Variants in KCNMB1 observed in about 807,000 individuals in gnomAD.
KCNMB1 encodes the protein potassium calcium-activated channel subfamily M regulatory beta subunit 1, also known as calcium-activated potassium channel subunit beta-1.
Under a neutral mutation model 21.7 loss-of-function variants are expected in KCNMB1, and 22 were observed. The observed-to-expected ratio is 1.01, with a 90% confidence interval of 0.72 to 1.45. KCNMB1 has a LOEUF of 1.45. Among genes scored for constraint, KCNMB1 ranks in the 40% most tolerant of loss-of-function variants. KCNMB1 has a pLI of 0.00. For missense variants in KCNMB1, 243 were observed against 243.4 expected, an observed-to-expected ratio of 1.00 and a Z score of 0.01; for synonymous variants, 114 against 107.6, an observed-to-expected ratio of 1.06 and a Z score of -0.37.
chr5:170,382,419 T>G (rs1764278809), intron 3 of KCNMB1, among the ~76,000 whole-genome samples: 1 of 152,180 alleles, frequency 6.6e-6, no homozygotes, highest in Non-Finnish European at 1.5e-5. Context: ...AATTCCATAT[T>G]GTGGTGATCA....
At chr5:170,384,059 A>G (rs1331394707) in intron 2 of KCNMB1, among the ~76,000 whole-genome samples, 1 of 152,204 alleles carries the variant, frequency 6.6e-6, no homozygotes, top group Non-Finnish European at 1.5e-5. Flanking sequence ...GGTCTTAGAC[A>G]TTATCTATAT....
chr5:170,378,526 G>C lies in KCNMB1; in HGVS notation c.*178C>G, dbSNP rs940607147. ...GGAGCCACTGTACATTCTTGAGCAGGCAATGACTTCACAAAAGGATTTCTC... is the reference window on the plus strand; with the variant it reads ...GGAGCCACTGTACATTCTTGAGCAGCCAATGACTTCACAAAAGGATTTCTC... On this transcript the variant is annotated 3_prime_UTR_variant, in exon 4 of 4. Coordinates refer to ENST00000274629, the MANE Select transcript of KCNMB1 (RefSeq NM_004137.4). The C allele has an allele frequency of 5.5e-6, 4 of 729,616 alleles. No homozygotes were observed. Among genetic ancestry groups the C allele is most frequent in the African/African-American group, 5.3e-5 (3 of 56,910 alleles). 45.2% of individuals were successfully genotyped at this position (729,616 alleles called of 1,614,324 possible). A position where few individuals can be genotyped will look rare whatever the true frequency, so the allele number is the denominator to read the frequency against.
At position 170,374,873 on chromosome 5, in the gene KCNMB1, G is replaced by A. The variant is rs890412628; in HGVS notation, c.*3831C>T. On this transcript the variant is annotated 3_prime_UTR_variant, in exon 4 of 4. Coordinates refer to ENST00000274629, the MANE Select transcript of KCNMB1 (RefSeq NM_004137.4). The stretch of plus-strand genomic sequence containing the variant: ...AGGCCAGTCTTTATTGACAGGAGGA[G>A]AACATCTATCTCAAGCAAATGAAGG... The A allele has an allele frequency of 6.6e-6, 1 of 152,178 alleles. No individual in the cohort carries two copies. Among genetic ancestry groups the A allele is most frequent in the Non-Finnish European group, 1.5e-5 (1 of 68,046 alleles). The allele number at this position is 152,178 out of a possible 1,614,324, so 9.4% of individuals were successfully genotyped here. A position where few individuals can be genotyped will look rare whatever the true frequency, so the allele number is the denominator to read the frequency against.
At chr5:170,380,702 TC>T (rs1764204658) in intron 3 of KCNMB1, among the ~76,000 whole-genome samples, 1 of 152,192 alleles carries the variant, frequency 6.6e-6, no homozygotes, top group Admixed American at 6.5e-5. Context: ...TAATCCAGCA[TC>T]CTGAGCTGAC....
At chr5:170,381,080 C>T (rs983351754) in intron 3 of KCNMB1, among the ~76,000 whole-genome samples, 22 of 152,216 alleles carry the variant, frequency 1.4e-4, no homozygotes, top group Non-Finnish European at 1.5e-5. Flanking sequence ...TGGATGAGCT[C>T]TGAAGTAGAG....
In KCNMB1 at chr5:170,380,261, C is replaced by G. The variant is rs534391511; in HGVS notation, c.307-1288G>C. ...TGTTCTGAGCTGCAAGTGTGGTGCC[C>G]CCATCTGCAGCAGAATACCTACAGG... On this transcript the variant is annotated intron_variant, in intron 3 of 3. Transcript: ENST00000274629. 2.5e-3 allele frequency among the ~76,000 whole-genome samples: 379 copies of G among 152,278 alleles called. 1 individual carries two copies. The highest frequency in any genetic ancestry group is 8.1e-3 in the South Asian group (39 of 4,828).
At chr5:170,388,835 T>C (rs1764591638) in intron 1 of KCNMB1, among the ~76,000 whole-genome samples, 1 of 152,242 alleles carries the variant, frequency 6.6e-6, no homozygotes, top group African/African-American at 2.4e-5. Context: ...ATCAGACATG[T>C]ATCATAGCAC....
At chr5:170,384,563 G>A (rs766392963) in intron 2 of KCNMB1, among the ~76,000 whole-genome samples, 4 of 152,212 alleles carry the variant, frequency 2.6e-5, no homozygotes, top group Non-Finnish European at 5.9e-5. Context: ...AATCAGTTGT[G>A]CTTCAACTCC....
chr5:170,383,955 G>T, intron 2 of KCNMB1, 105 bp from the exon 3 acceptor site: 2 of 1,200,188 alleles, frequency 1.7e-6, no homozygotes, highest in Non-Finnish European at 2.3e-6. Context: ...AGGGATCCAG[G>T]ACTGGGATCC....
At position 170,378,818 on chromosome 5, in the gene KCNMB1, G is replaced by A; in HGVS notation, c.462C>T (p.Pro154=). 6.2e-7 allele frequency: 1 copy of A among 1,614,252 alleles called. No homozygotes were observed. Reference sequence around the variant, plus strand: ...AGAAGAGGGAGAAGAGGAGGGCCTGGGGCCCGTAGAGGCGCTGGAATAGGA... The same window carrying A: ...AGAAGAGGGAGAAGAGGAGGGCCTGAGGCCCGTAGAGGCGCTGGAATAGGA... ...TSVLFQRLYG[P]QALLFSLFWP... is the part of the protein sequence containing the mutation. Residue 154 remains proline (P), a synonymous_variant, in exon 4 of 4, where the codon CCC becomes CCT. Transcript: ENST00000274629.
intron 3 of KCNMB1, 151 bp from the exon 4 acceptor site, chr5:170,379,124 G>A (rs1039431771): frequency 6.6e-6 from 6 of 905,334 alleles, no homozygotes; most frequent in Non-Finnish European, 3.3e-6. Flanking sequence ...GCCATGCGCT[G>A]TACAGGTCTG....
intron 3 of KCNMB1, 163 bp downstream of exon 3, chr5:170,383,516 G>T: frequency 5.2e-6 from 4 of 764,114 alleles, no homozygotes; most frequent in South Asian, 1.6e-5. Flanking sequence ...AGGTCTGTGT[G>T]ACTCCAACAC....
chr5:170,381,568 G>A (rs966717310), intron 3 of KCNMB1, among the ~76,000 whole-genome samples: 1 of 152,176 alleles, frequency 6.6e-6, no homozygotes, highest in East Asian at 1.9e-4. Context: ...GCAAAAACAC[G>A]AAGGGCATTT....
chr5:170,385,280 G>A (rs754250048), intron 2 of KCNMB1, 34 bp downstream of exon 2: 3 of 1,613,362 alleles, frequency 1.9e-6, no homozygotes, highest in South Asian at 1.1e-5. Flanking sequence ...TTAGGAGAGG[G>A]TTGGGGGGTG....
intron 2 of KCNMB1, 116 bp downstream of exon 2, chr5:170,385,197 AC>A: frequency 1.8e-6 from 2 of 1,130,558 alleles, no homozygotes; most frequent in East Asian, 2.4e-5. Context: ...CATCGTCTTG[AC>A]CCTGCTGCCT....
chr5:170,376,834 T>C lies in KCNMB1; in HGVS notation c.*1870A>G, dbSNP rs1764023798. ...AACTCCCTTGACACAAGTGTACCTATGTAACAAACCTGAACGTGTACCCTG... is the reference window on the plus strand; with the variant it reads ...AACTCCCTTGACACAAGTGTACCTACGTAACAAACCTGAACGTGTACCCTG... On this transcript the variant is annotated 3_prime_UTR_variant, in exon 4 of 4. Coordinates refer to ENST00000274629, the MANE Select transcript of KCNMB1 (RefSeq NM_004137.4). 1 of 152,136 alleles carries C rather than the reference T, an allele frequency of 6.6e-6. No individual in the cohort carries two copies. Among genetic ancestry groups the C allele is most frequent in the Non-Finnish European group, 1.5e-5 (1 of 68,034 alleles). 9.4% of individuals were successfully genotyped at this position (152,136 alleles called of 1,614,324 possible).
chr5:170,387,359 G>A (rs314110), intron 1 of KCNMB1, among the ~76,000 whole-genome samples: 7,706 of 152,194 alleles, frequency 0.051, 345 homozygotes, highest in African/African-American at 0.12. Context: ...CTGCTCAGGC[G>A]TCTCTTAACT....
In KCNMB1 at chr5:170,378,683, G is replaced by A. The variant is rs1417757601; in HGVS notation, c.*21C>T. 6.3e-7 allele frequency: 1 copy of A among 1,588,408 alleles called. No individual in the cohort carries two copies. The highest frequency in any genetic ancestry group is 1.7e-5 in the Admixed American group (1 of 57,482). ...CCAGTCCCCTGTGCCCTGACAAGTG[G>A]TATGGCATGGATGGATGGCTCTACT... On this transcript the variant is annotated 3_prime_UTR_variant, in exon 4 of 4. Coordinates refer to ENST00000274629, the MANE Select transcript of KCNMB1 (RefSeq NM_004137.4).
At chr5:170,386,891 C>G (rs945568417) in intron 1 of KCNMB1, among the ~76,000 whole-genome samples, 36 of 152,002 alleles carry the variant, frequency 2.4e-4, no homozygotes, top group African/African-American at 8.5e-4. Context: ...TGGACATTGA[C>G]TCCACCCCAA....
Sources: gnomAD v4.1 joint callset for allele counts (sites outside exome capture counted in the v4.1 genomes callset) on GRCh38, gnomAD v4.1.1 for gene constraint, MANE v1.5 for transcripts, NCBI Gene and HGNC (gene_info 2026-07-23, HGNC 2026-07-21) for gene names.